The following MTM1 variants were observed in gnomAD, a reference collection of about 807,000 sequenced individuals.
MTM1 encodes myotubularin.
In MTM1, 9 loss-of-function variants were observed where a neutral mutation model predicts 52.1. The ratio of observed to expected loss-of-function variants is 0.17; its 90% CI spans 0.10 to 0.30. The LOEUF (loss-of-function observed/expected upper bound fraction) is 0.30. Ranked by LOEUF, MTM1 falls within the 10% of genes least tolerant of loss-of-function variation. MTM1 has a pLI of 1.00. For synonymous variants in MTM1, 136 were observed against 163.8 expected, an observed-to-expected ratio of 0.83 and a Z score of 1.29; for missense variants, 277 against 470.7, an observed-to-expected ratio of 0.59 and a Z score of 3.81.
At position 150,665,776 on chromosome X, in the gene MTM1, A is replaced by G. The variant is rs782478289; in HGVS notation, c.1644+2167A>G. 4.4e-5 allele frequency among the ~76,000 whole-genome samples: 5 copies of G among 112,582 alleles called. No homozygotes were observed. The East Asian group carries it at 1.1e-3, about 25-fold the overall frequency. ...CTCAGCAGAGTTTATGGAAAGACCAATGCTTACATTTGAAAAGCTATCAAT... is the reference window on the plus strand; with the variant it reads ...CTCAGCAGAGTTTATGGAAAGACCAGTGCTTACATTTGAAAAGCTATCAAT... On this transcript the variant is annotated intron_variant, in intron 14 of 14. Coordinates refer to ENST00000370396, the MANE Select transcript of MTM1 (RefSeq NM_000252.3).
chrX:150,591,056 T>C lies in MTM1; in HGVS notation c.-10-1549T>C. On this transcript the variant is annotated intron_variant, in intron 1 of 14. Transcript: ENST00000370396. ...ATGAACTTAAGGTTAGAAAGGTTTT[T>C]CAAAGCATATTTTACGATTTTGTCT... is the stretch of plus-strand genomic sequence containing the variant. The C allele has an allele frequency of 4.1e-6, 3 of 739,703 alleles. 1 individual carries two copies. The highest frequency in any genetic ancestry group is 1.7e-4 in the Admixed American group (2 of 11,662). 61.0% of individuals were successfully genotyped at this position (739,703 alleles called of 1,213,427 possible). A position where few individuals can be genotyped will look rare whatever the true frequency, so the allele number is the denominator to read the frequency against.
chrX:150,609,917 A>C (rs1305349534), intron 4 of MTM1, among the ~76,000 whole-genome samples: 6 of 111,782 alleles, frequency 5.4e-5, no homozygotes, highest in Non-Finnish European at 1.1e-4. Flanking sequence ...TAATCATGGC[A>C]TTCCTGTTCT....
At chrX:150,645,904 G>A (rs2039923299) in intron 9 of MTM1, 33 bp downstream of exon 9, 1 of 1,151,811 alleles carries the variant, frequency 8.7e-7, no homozygotes, top group African/African-American at 1.8e-5. Flanking sequence ...TGGACACTTA[G>A]CTTACATATG....
chrX:150,620,348 G>A (rs1211121363), intron 6 of MTM1, among the ~76,000 whole-genome samples: 3 of 112,020 alleles, frequency 2.7e-5, no homozygotes, highest in South Asian at 7.4e-4. Context: ...AAAAAGTCAA[G>A]TGCTGGACCA....
upstream of MTM1, among the ~76,000 whole-genome samples, chrX:150,564,072 T>G (rs138090728): frequency 4.1e-3 from 458 of 111,506 alleles, 2 homozygotes; most frequent in African/African-American, 0.014. Flanking sequence ...TCTTGCCTCT[T>G]TGGAGTCAAT....
chrX:150,587,174 T>A (rs939792261), intron 1 of MTM1, among the ~76,000 whole-genome samples: 17 of 111,006 alleles, frequency 1.5e-4, no homozygotes, highest in African/African-American at 5.2e-4. Flanking sequence ...GGTGGGCGCA[T>A]AGTGGCATTT....
chrX:150,639,032 A>G lies in MTM1; in HGVS notation c.528+6A>G, dbSNP rs1057521934. On this transcript the variant is annotated splice_donor_region_variant and intron_variant, in intron 7 of 14. Transcript: ENST00000370396. ...TGGAAGAATACAGGAGGCAGGTAAGATGTTAGATGCTATTGTCTGGTATGT... is the reference window on the plus strand; with the variant it reads ...TGGAAGAATACAGGAGGCAGGTAAGGTGTTAGATGCTATTGTCTGGTATGT... The G allele has an allele frequency of 8.7e-7, 1 of 1,155,122 alleles. No homozygotes were observed. Among genetic ancestry groups the G allele is most frequent in the Non-Finnish European group, 1.2e-6 (1 of 843,745 alleles).
chrX:150,607,227 A>C (rs984428165), intron 4 of MTM1, among the ~76,000 whole-genome samples: 20 of 110,022 alleles, frequency 1.8e-4, no homozygotes, highest in African/African-American at 6.3e-4. Context: ...ACCTCAAGTA[A>C]TCTGCCCACC....
At chrX:150,562,876 C>T in the MTM1 span, among the ~76,000 whole-genome samples, 3 of 111,307 alleles carry the variant, frequency 2.7e-5, no homozygotes, top group Non-Finnish European at 3.8e-5. Context: ...TTGGCTTTCA[C>T]GGTCTCCTGG....
intron 4 of MTM1, among the ~76,000 whole-genome samples, chrX:150,611,065 T>C (rs782005035): frequency 1.9e-4 from 21 of 111,988 alleles, no homozygotes; most frequent in Non-Finnish European, 3.6e-4. Context: ...CTTATATACG[T>C]ACACTGTTAC....
chrX:150,603,964 G>A (rs1374697550), intron 4 of MTM1, among the ~76,000 whole-genome samples: 3 of 112,094 alleles, frequency 2.7e-5, no homozygotes, highest in Non-Finnish European at 5.6e-5. Flanking sequence ...GGCTGTGATG[G>A]AAGTCAGTAG....
At chrX:150,646,156 T>C (rs1371544044) in intron 9 of MTM1, among the ~76,000 whole-genome samples, 1 of 112,214 alleles carries the variant, frequency 8.9e-6, no homozygotes, top group Non-Finnish European at 1.9e-5. Context: ...TTTAAAGCCC[T>C]TTCAGCTGTG....
At chrX:150,625,392 A>G (rs1347097934) in intron 6 of MTM1, among the ~76,000 whole-genome samples, 1 of 111,722 alleles carries the variant, frequency 9.0e-6, no homozygotes, top group Non-Finnish European at 1.9e-5. Flanking sequence ...GCCCAAGACT[A>G]TTAATAAAGT....
At position 150,660,517 on chromosome X, in the gene MTM1, A is replaced by T. The variant is rs1166002663; in HGVS notation, c.1467+33A>T. On this transcript the variant is annotated intron_variant, in intron 13 of 14. Transcript: ENST00000370396. ...AAAATGCTATTTTTTTTGATACATT[A>T]GGCTTGCCAAAATGTATGTAGTCTA... 5.6e-6 allele frequency: 5 copies of T among 900,551 alleles called. No individual in the cohort carries two copies. In the African/African-American group the frequency reaches 5.8e-5, roughly 11 times the overall value. The allele number at this position is 900,551 out of a possible 1,213,427, so 74.2% of individuals were successfully genotyped here.
intron 6 of MTM1, among the ~76,000 whole-genome samples, chrX:150,632,293 CTG>C (rs1301694534): frequency 8.9e-6 from 1 of 111,880 alleles, no homozygotes; most frequent in African/African-American, 3.3e-5. Flanking sequence ...AAGGAACAGT[CTG>C]TGGGCATGCA....
In MTM1 at chrX:150,671,498, A is replaced by G. The variant is rs1557415143; in HGVS notation, c.1715A>G (p.Glu572Gly). 8.3e-7 allele frequency: 1 copy of G among 1,211,092 alleles called. No individual in the cohort carries two copies. Among genetic ancestry groups the G allele is most frequent in the Non-Finnish European group, 1.1e-6 (1 of 895,375 alleles). ...ALRDEYIKRL[E>G]ELQLANSAKL... ...CGCGACGAATACATAAAGCGGCTTG[A>G]GGAACTGCAGCTCGCCAACTCTGCC... The change falls in exon 15 of 15, where the codon GAG (glutamate) becomes GGG (glycine). Residue 572 changes from glutamate (E) to glycine (G), a missense_variant. By Grantham distance (98) the Glu-to-Gly change is moderately conservative. Around this residue, in one of 4 missense-constraint regions of MTM1, gnomAD observed 51 missense variants for 52.2 expected, o/e 0.98. Transcript: ENST00000370396.
chrX:150,571,045 C>A (rs2038364176), intron 1 of MTM1, among the ~76,000 whole-genome samples: 1 of 111,584 alleles, frequency 9.0e-6, no homozygotes, highest in African/African-American at 3.3e-5. Flanking sequence ...TACTTAGAAA[C>A]CACTGAAAAC....
rs142418584 is a variant in MTM1, at chrX:150,586,679, C to T, written c.-10-5926C>T. Among the ~76,000 whole-genome samples the T allele has an allele frequency of 2.3e-4, 26 of 110,876 alleles. No homozygotes were observed. In the East Asian group the frequency reaches 7.1e-3, roughly 30 times the overall value. ...TAATCCTAGCACCACAGGAGGAGGC[C>T]GATGTGGGCGGATCACTTGAGGTCA... On this transcript the variant is annotated intron_variant, in intron 1 of 14. Coordinates refer to ENST00000370396, the MANE Select transcript of MTM1 (RefSeq NM_000252.3).
intron 13 of MTM1, 158 bp from the exon 14 acceptor site, chrX:150,663,275 C>T (rs2040253266): frequency 3.6e-6 from 2 of 557,864 alleles, no homozygotes; most frequent in Non-Finnish European, 5.9e-6. Flanking sequence ...CTGCCAAGCA[C>T]TCACTGGCCC....
Sources: gnomAD v4.1 joint callset for allele counts (sites outside exome capture counted in the v4.1 genomes callset) on GRCh38, gnomAD v4.1.1 for gene constraint, gnomAD v4.1.1 regional missense constraint, MANE v1.5 for transcripts, NCBI Gene and HGNC (gene_info 2026-07-23, HGNC 2026-07-21) for gene names.